FAM118A: variants seen among roughly 807,000 people sequenced by gnomAD.
FAM118A encodes protein FAM118A.
A neutral mutation model predicts 38.2 loss-of-function variants in FAM118A; 25 were observed. The ratio of observed to expected loss-of-function variants is 0.65; its 90% CI spans 0.48 to 0.91. The LOEUF (loss-of-function observed/expected upper bound fraction) is 0.91. FAM118A is among the 40% of genes least tolerant of loss of function. FAM118A has a pLI of 0.00. For missense variants in FAM118A, 425 were observed against 463.3 expected (o/e 0.92, Z 0.76); for synonymous variants, 178 against 184.1 (o/e 0.97, Z 0.27).
intron 1 of FAM118A, among the ~76,000 whole-genome samples, chr22:45,315,342 C>T (rs1204765100): frequency 1.3e-5 from 2 of 152,124 alleles, no homozygotes; most frequent in African/African-American, 4.8e-5. Flanking sequence ...ATTAAGGGTT[C>T]ATATTTTCTG....
intron 4 of FAM118A, chr22:45,329,399 C>G (rs571088451): frequency 3.9e-5 from 6 of 152,308 alleles, no homozygotes; most frequent in African/African-American, 1.4e-4. Context: ...TATTAAGAAA[C>G]AAAATGAAAT....
intron 1 of FAM118A, among the ~76,000 whole-genome samples, chr22:45,319,663 A>G (rs2084763659): frequency 6.6e-6 from 1 of 152,248 alleles, no homozygotes; most frequent in Admixed American, 6.5e-5. Context: ...GGTGGGGTCC[A>G]GAGTTGCTTA....
In FAM118A at chr22:45,330,676, G is replaced by C. The variant is rs1178820127; in HGVS notation, c.596G>C (p.Gly199Ala). ...HIHGLYTDPC[G>A]VVLDPSGYKD... ...CACGGCCTCTACACGGACCCCTGCG[G>C]GGTGGTGCTGGACCCATCGGGGTAT... The change falls in exon 5 of 9, where the codon GGG becomes GCG. Residue 199 changes from glycine to alanine, a missense_variant. Transcript: ENST00000441876. The C allele has an allele frequency of 6.2e-7, 1 of 1,605,190 alleles. No homozygotes were observed. Among genetic ancestry groups the C allele is most frequent in the Non-Finnish European group, 8.5e-7 (1 of 1,176,976 alleles).
chr22:45,310,567 C>G (rs992601148), intron 1 of FAM118A, among the ~76,000 whole-genome samples: 3 of 152,154 alleles, frequency 2.0e-5, no homozygotes, highest in African/African-American at 4.8e-5. Flanking sequence ...CCCGGGTCCC[C>G]GTGCCGCCCA....
intron 1 of FAM118A, chr22:45,321,961 G>A (rs2084904711): frequency 3.2e-6 from 1 of 310,880 alleles, no homozygotes; most frequent in Admixed American, 5.0e-5. Flanking sequence ...ACCGCCTCTG[G>A]CTTCGCTTTG....
chr22:45,335,913 G>A (rs139314013), intron 7 of FAM118A, among the ~76,000 whole-genome samples: 324 of 152,326 alleles, frequency 2.1e-3, no homozygotes, highest in Non-Finnish European at 4.0e-3. Context: ...TCCCCTTGCC[G>A]AATCATTTGG....
intron 8 of FAM118A, among the ~76,000 whole-genome samples, chr22:45,336,975 G>T (rs1467404001): frequency 6.6e-6 from 1 of 152,244 alleles, no homozygotes; most frequent in Non-Finnish European, 1.5e-5. Context: ...TATCTAAACA[G>T]TGTATTTGAA....
intron 2 of FAM118A, 99 bp from the exon 3 acceptor site, chr22:45,323,076 T>TGTGTGTG: frequency 3.1e-6 from 4 of 1,282,224 alleles, no homozygotes; most frequent in Non-Finnish European, 4.4e-6. Context: ...TGTGTGTGTG[T>TGTGTGTG]ACACAGCACA....
In FAM118A at chr22:45,310,015, C is replaced by T. The variant is rs1317009142; in HGVS notation, c.-178C>T. The T allele has an allele frequency of 2.6e-5, 4 of 152,222 alleles. No individual in the cohort carries two copies. Among genetic ancestry groups the T allele is most frequent in the Non-Finnish European group, 5.9e-5 (4 of 68,070 alleles). The allele number at this position is 152,222 out of a possible 1,614,324, so 9.4% of individuals were successfully genotyped here. On this transcript the variant is annotated 5_prime_UTR_variant, in exon 1 of 9. Transcript: ENST00000441876. Reference sequence around the variant, plus strand: ...GCTCTGGCTCCGACTCCGGCTCTCGCTCTCGCTTCTAGCCCGCGTGCCTGC... The same window carrying T: ...GCTCTGGCTCCGACTCCGGCTCTCGTTCTCGCTTCTAGCCCGCGTGCCTGC...
intron 1 of FAM118A, chr22:45,318,314 G>C (rs561560682): frequency 1.3e-5 from 2 of 152,328 alleles, no homozygotes; most frequent in South Asian, 4.1e-4. Context: ...TGAAAAAAAA[G>C]AAGGGTTGCT....
intron 4 of FAM118A, chr22:45,329,948 A>G (rs1009930940): frequency 1.3e-5 from 2 of 152,240 alleles, no homozygotes; most frequent in Admixed American, 6.5e-5. Context: ...CGTGTTCTGT[A>G]TCTTGATAAG....
At chr22:45,318,361 C>T (rs192355123) in intron 1 of FAM118A, 77 of 152,178 alleles carry the variant, frequency 5.1e-4, no homozygotes, top group Admixed American at 3.4e-3. Flanking sequence ...ACCGTGGTGA[C>T]GACATAGTCA....
At chr22:45,327,355 A>G (rs568194181) in intron 3 of FAM118A, among the ~76,000 whole-genome samples, 2 of 149,860 alleles carry the variant, frequency 1.3e-5, no homozygotes, top group African/African-American at 4.9e-5. Context: ...GCGCTCAGGG[A>G]AAGCCAGAGT....
At chr22:45,326,997 G>C (rs925002200) in intron 3 of FAM118A, among the ~76,000 whole-genome samples, 2 of 151,614 alleles carry the variant, frequency 1.3e-5, no homozygotes, top group African/African-American at 2.4e-5. Flanking sequence ...CTGGGTGACA[G>C]AGTGAGACTC....
At chr22:45,336,764 G>A (rs2086129200) in intron 8 of FAM118A, among the ~76,000 whole-genome samples, 1 of 152,194 alleles carries the variant, frequency 6.6e-6, no homozygotes, top group African/African-American at 2.4e-5. Flanking sequence ...TTTGCGAAGT[G>A]AACGCTCCCA....
upstream of FAM118A, chr22:45,309,885 C>A (rs1214916560): frequency 6.6e-6 from 1 of 152,052 alleles, no homozygotes; most frequent in African/African-American, 2.4e-5. Context: ...CCGTTGGTTT[C>A]GGGACGGAAC....
intron 8 of FAM118A, 32 bp from the exon 9 acceptor site, chr22:45,340,354 C>T (rs774637707): frequency 6.2e-7 from 1 of 1,613,742 alleles, no homozygotes; most frequent in African/African-American, 1.3e-5. Context: ...TGGACTTTAA[C>T]CCTTGGGCAT....
chr22:45,340,795 T>G lies in FAM118A; in HGVS notation c.*390T>G. On this transcript the variant is annotated 3_prime_UTR_variant, in exon 9 of 9. Coordinates refer to ENST00000441876, the MANE Select transcript of FAM118A (RefSeq NM_017911.4). ...GCAACAGTAGCTGCCAAAGAGAAAA[T>G]ACGAAATAGACACTTTTTTTTTTTG... is the stretch of plus-strand genomic sequence containing the variant. The G allele has an allele frequency of 4.3e-6, 1 of 231,698 alleles. No homozygotes were observed. 14.4% of individuals were successfully genotyped at this position (231,698 alleles called of 1,614,324 possible). A position where few individuals can be genotyped will look rare whatever the true frequency, so the allele number is the denominator to read the frequency against.
At chr22:45,327,319 G>A (rs993594992) in intron 3 of FAM118A, among the ~76,000 whole-genome samples, 5 of 151,962 alleles carry the variant, frequency 3.3e-5, no homozygotes, top group South Asian at 2.1e-4. Flanking sequence ...CATTACCACC[G>A]AGAAAGAGAA....
Sources: gnomAD v4.1 joint callset for allele counts (sites outside exome capture counted in the v4.1 genomes callset) on GRCh38, gnomAD v4.1.1 for gene constraint, MANE v1.5 for transcripts, NCBI Gene and HGNC (gene_info 2026-07-23, HGNC 2026-07-21) for gene names.